MTHFD1L: variants seen among roughly 807,000 people sequenced by gnomAD.
The protein encoded by MTHFD1L is methylenetetrahydrofolate dehydrogenase (NADP+ dependent) 1 like.
MTHFD1L carries 81 observed loss-of-function variants against 119.5 expected under a neutral mutation model. The observed-to-expected ratio is 0.68, with a 90% CI of 0.57 to 0.82. MTHFD1L has a LOEUF of 0.82. MTHFD1L is among the 40% of genes least tolerant of loss of function. The pLI is 0.00. For missense variants in MTHFD1L, 1,125 were observed against 1,253.4 expected (o/e 0.90, Z 1.55); for synonymous variants, 430 against 475.2 (o/e 0.90, Z 1.24).
Position 151,014,711 on chromosome 6 carries a change from G to T in MTHFD1L, c.2308-169G>T, listed in dbSNP as rs574232868. ...TGCCATTGGATCCAGAATCATTTTA[G>T]AAATTATTTTGAAGACGAACCTCTT... On this transcript the variant is annotated intron_variant, in intron 22 of 27. Transcript: ENST00000367321. Among the ~76,000 whole-genome samples the T allele has an allele frequency of 1.1e-3, 170 of 152,314 alleles. 1 individual carries two copies. The highest frequency in any genetic ancestry group is 3.8e-3 in the African/African-American group (159 of 41,572).
Position 151,015,703 on chromosome 6 carries a change from A to G in MTHFD1L, c.2586+10A>G, listed in dbSNP as rs1782948312. 1 of 1,611,882 alleles carries G rather than the reference A, an allele frequency of 6.2e-7. No homozygotes were observed. On this transcript the variant is annotated intron_variant, in intron 24 of 27. Coordinates refer to ENST00000367321, the MANE Select transcript of MTHFD1L (RefSeq NM_015440.5). ...CCTGTATGATGTTCAGGTAAGATCT[A>G]GTAAAAACAATGGCTCACATTTCTT...
chr6:150,965,871 A>G (rs1474114401), intron 19 of MTHFD1L, among the ~76,000 whole-genome samples: 3 of 152,202 alleles, frequency 2.0e-5, no homozygotes, highest in African/African-American at 4.8e-5. Flanking sequence ...CAAGTCAATA[A>G]ACACACAGCA....
intron 26 of MTHFD1L, among the ~76,000 whole-genome samples, chr6:151,084,355 G>C (rs753157611): frequency 2.6e-5 from 4 of 152,154 alleles, no homozygotes; most frequent in African/African-American, 4.8e-5. Context: ...GCCAAGCCTG[G>C]CACGCGTGTC....
In MTHFD1L at chr6:151,051,491, T is replaced by A. The variant is rs113749937; in HGVS notation, c.2847+14374T>A. 7.3e-3 allele frequency among the ~76,000 whole-genome samples: 1,111 copies of A among 152,284 alleles called. 14 individuals are homozygous for A. The highest frequency in any genetic ancestry group is 0.025 in the African/African-American group (1,041 of 41,556). On this transcript the variant is annotated intron_variant, in intron 26 of 27. Transcript: ENST00000367321. ...GGGATAAGAGGTAGAGTTCTAGCGCTCTGTGGCTACTATGGTTTATGGGAT... is the reference window on the plus strand; with the variant it reads ...GGGATAAGAGGTAGAGTTCTAGCGCACTGTGGCTACTATGGTTTATGGGAT...
intron 26 of MTHFD1L, among the ~76,000 whole-genome samples, chr6:151,046,469 GTGTATATA>G (rs1280867828): frequency 0.023 from 2,670 of 116,458 alleles, 34 homozygotes; most frequent in Non-Finnish European, 0.026. Flanking sequence ...ATATGTGTGT[GTGTATATA>G]TATATATATA....
In MTHFD1L at chr6:151,013,932, T is replaced by G. The variant is rs1044191684; in HGVS notation, c.2307+112T>G. The G allele has an allele frequency of 5.4e-6, 5 of 930,964 alleles. No individual in the cohort carries two copies. In the African/African-American group the frequency reaches 8.4e-5, roughly 16 times the overall value. 57.7% of individuals were successfully genotyped at this position (930,964 alleles called of 1,614,324 possible). On this transcript the variant is annotated intron_variant, in intron 22 of 27. Transcript: ENST00000367321. ...GGCCTCTTAGAAAAGTGCTGTTCTG[T>G]CCGGGCGCAGTGACTCACACCTGTA...
intron 1 of MTHFD1L, among the ~76,000 whole-genome samples, chr6:150,875,294 C>T (rs995876478): frequency 5.9e-5 from 9 of 152,110 alleles, no homozygotes; most frequent in African/African-American, 2.2e-4. Flanking sequence ...AGCAGTCCTA[C>T]CGCCTTGGCC....
At chr6:150,984,571 GA>G (rs77899794) in intron 20 of MTHFD1L, among the ~76,000 whole-genome samples, 2,676 of 109,278 alleles carry the variant, frequency 0.024, 60 homozygotes, top group African/African-American at 0.071. Flanking sequence ...AAAAACAAGG[GA>G]AAAAAAAAAA....
intron 11 of MTHFD1L, chr6:150,935,507 A>G: frequency 6.3e-7 from 1 of 1,576,158 alleles, no homozygotes; most frequent in South Asian, 1.2e-5. Context: ...AGGACTTGAG[A>G]AACTACATGA....
At chr6:150,960,474 GA>G in intron 18 of MTHFD1L, 59 bp downstream of exon 18, 5 of 1,525,190 alleles carry the variant, frequency 3.3e-6, no homozygotes, top group Non-Finnish European at 4.4e-6. Context: ...TTCGTTACCA[GA>G]AAAAGAAAGG....
chr6:150,937,644 A>G (rs1421372323), intron 12 of MTHFD1L, among the ~76,000 whole-genome samples: 1 of 152,176 alleles, frequency 6.6e-6, no homozygotes, highest in East Asian at 1.9e-4. Flanking sequence ...TGGAATGAAC[A>G]CTAGGGTTGG....
chr6:150,960,126 G>A lies in MTHFD1L; in HGVS notation c.1804-149G>A, dbSNP rs79250420. 1,862 of 1,097,876 alleles carry A rather than the reference G, an allele frequency of 1.7e-3. 18 individuals are homozygous for A. In the African/African-American group the frequency reaches 0.027, roughly 16 times the overall value. The allele number at this position is 1,097,876 out of a possible 1,614,324, so 68.0% of individuals were successfully genotyped here. Reference sequence around the variant, plus strand: ...CACAAACCCTGCATGGTCCAGACACGCAGAAAACTGATGGGATTGCATGCA... The same window carrying A: ...CACAAACCCTGCATGGTCCAGACACACAGAAAACTGATGGGATTGCATGCA... On this transcript the variant is annotated intron_variant, in intron 17 of 27. Transcript: ENST00000367321.
intron 13 of MTHFD1L, among the ~76,000 whole-genome samples, chr6:150,941,586 A>G (rs1483821415): frequency 6.6e-6 from 1 of 152,168 alleles, no homozygotes; most frequent in Non-Finnish European, 1.5e-5. Flanking sequence ...GAAAAGAGGA[A>G]AAAACAGTTT....
chr6:151,031,574 T>C (rs1430440589), intron 24 of MTHFD1L, among the ~76,000 whole-genome samples: 4 of 152,244 alleles, frequency 2.6e-5, no homozygotes, highest in Non-Finnish European at 5.9e-5. Context: ...TTAACAAAGA[T>C]TGGTCCTTGA....
chr6:150,887,013 AAG>A (rs1384012673), intron 6 of MTHFD1L, among the ~76,000 whole-genome samples: 1 of 151,796 alleles, frequency 6.6e-6, no homozygotes, highest in Non-Finnish European at 1.5e-5. Context: ...AAAAAAAGAA[AAG>A]AAAAAATTCA....
At chr6:150,883,134 G>A (rs1297796846) in intron 5 of MTHFD1L, among the ~76,000 whole-genome samples, 4 of 152,028 alleles carry the variant, frequency 2.6e-5, no homozygotes, top group Admixed American at 6.5e-5. Flanking sequence ...CTGGGTTCAA[G>A]CGATTTTCCT....
chr6:151,014,121 C>T (rs1000062932), intron 22 of MTHFD1L, among the ~76,000 whole-genome samples: 11 of 152,214 alleles, frequency 7.2e-5, no homozygotes, highest in East Asian at 1.9e-4. Context: ...GCATGAGAAT[C>T]GCTTGAACCT....
intron 11 of MTHFD1L, among the ~76,000 whole-genome samples, chr6:150,927,704 A>G (rs914745500): frequency 6.6e-6 from 1 of 151,852 alleles, no homozygotes; most frequent in Admixed American, 6.6e-5. Context: ...TGATCCACCC[A>G]CCTTGGCATC....
intron 20 of MTHFD1L, among the ~76,000 whole-genome samples, chr6:151,005,215 A>G (rs1421735246): frequency 6.6e-6 from 1 of 152,094 alleles, no homozygotes; most frequent in East Asian, 1.9e-4. Context: ...GGGTCTTCAT[A>G]TCAAGGCCCC....
Sources: allele counts gnomAD v4.1 joint callset (sites outside exome capture counted in the v4.1 genomes callset), GRCh38; gene constraint gnomAD v4.1.1; transcripts MANE v1.5; gene names NCBI Gene and HGNC (gene_info 2026-07-23, HGNC 2026-07-21).